Variants in HIP1 observed in about 807,000 individuals in gnomAD.
The protein encoded by HIP1 is huntingtin interacting protein 1, also known as huntingtin-interacting protein 1.
In HIP1, 65 loss-of-function variants were observed where a neutral mutation model predicts 147.6. The observed-to-expected ratio is 0.44, with a 90% CI of 0.36 to 0.54. The LOEUF is 0.54. HIP1 is among the 20% of genes least tolerant of loss of function. The pLI is 0.00. For synonymous variants in HIP1, 479 were observed against 504.0 expected (o/e 0.95, Z 0.67); for missense variants, 1,061 against 1,299.6 (o/e 0.82, Z 2.82).
intron 1 of HIP1, among the ~76,000 whole-genome samples, chr7:75,610,621 T>A (rs1797398986): frequency 6.6e-6 from 1 of 151,908 alleles, no homozygotes; most frequent in Admixed American, 6.6e-5. Context: ...TGCCTTCTCC[T>A]TTCCTGTAGG....
At chr7:75,683,950 C>T (rs1294985078) in intron 1 of HIP1, among the ~76,000 whole-genome samples, 1 of 113,968 alleles carries the variant, frequency 8.8e-6, no homozygotes, top group East Asian at 3.1e-4. Context: ...AGCCAACCAG[C>T]TACATGAATT....
chr7:75,555,285 C>T (rs924053677), intron 19 of HIP1, 131 bp downstream of exon 19: 5 of 932,058 alleles, frequency 5.4e-6, no homozygotes, highest in African/African-American at 5.0e-5. Flanking sequence ...GGGGCCTGGG[C>T]GCCCCTAAGG....
chr7:75,592,145 T>C, intron 3 of HIP1, 33 bp from the exon 4 acceptor site: 2 of 1,596,788 alleles, frequency 1.3e-6, no homozygotes, highest in Non-Finnish European at 8.6e-7. Flanking sequence ...TGTGAGAGAA[T>C]GGAGAAGGAA....
At chr7:75,650,391 G>GC (rs1798932080) in intron 1 of HIP1, among the ~76,000 whole-genome samples, 1 of 151,566 alleles carries the variant, frequency 6.6e-6, no homozygotes, top group African/African-American at 2.4e-5. Context: ...GTACTGGGGA[G>GC]AGGTTTTTCC....
chr7:75,572,149 G>C (rs587614898), intron 8 of HIP1, among the ~76,000 whole-genome samples: 1 of 151,782 alleles, frequency 6.6e-6, no homozygotes, highest in South Asian at 2.1e-4. Context: ...GCTTGAACCT[G>C]GTAGGCAGAG....
At chr7:75,693,459 T>A (rs1291396782) in intron 1 of HIP1, among the ~76,000 whole-genome samples, 1 of 152,178 alleles carries the variant, frequency 6.6e-6, no homozygotes, top group African/African-American at 2.4e-5. Context: ...CTTGCCGAAG[T>A]GTGCCCTCCA....
At chr7:75,544,172 CAAAA>C (rs369891293) in intron 27 of HIP1, among the ~76,000 whole-genome samples, 2 of 96,618 alleles carry the variant, frequency 2.1e-5, no homozygotes, top group African/African-American at 3.8e-5. Flanking sequence ...GCTCTGTCTC[CAAAA>C]AAAAAAAAAA....
chr7:75,710,275 GT>G (rs1239408408), intron 1 of HIP1, among the ~76,000 whole-genome samples: 10 of 152,144 alleles, frequency 6.6e-5, no homozygotes, highest in Non-Finnish European at 1.2e-4. Context: ...GATCATGTGG[GT>G]TTTTTCCTTC....
At chr7:75,691,909 G>A (rs1414600898) in intron 1 of HIP1, among the ~76,000 whole-genome samples, 2 of 152,148 alleles carry the variant, frequency 1.3e-5, no homozygotes, top group Non-Finnish European at 2.9e-5. Context: ...ACTGTGTGAT[G>A]GGCACTATGG....
At chr7:75,565,101 T>C (rs1396399441) in intron 9 of HIP1, among the ~76,000 whole-genome samples, 2 of 152,166 alleles carry the variant, frequency 1.3e-5, no homozygotes, top group African/African-American at 4.8e-5. Flanking sequence ...AACAATGAAC[T>C]TTCTCCAGCT....
chr7:75,621,113 G>A (rs1297859281), intron 1 of HIP1, among the ~76,000 whole-genome samples: 6 of 152,108 alleles, frequency 3.9e-5, no homozygotes, highest in African/African-American at 1.2e-4. Context: ...TGGCAGAGGT[G>A]GGAGGATGGC....
At chr7:75,617,317 G>T (rs981868090) in intron 1 of HIP1, among the ~76,000 whole-genome samples, 1 of 151,960 alleles carries the variant, frequency 6.6e-6, no homozygotes, top group Non-Finnish European at 1.5e-5. Flanking sequence ...GACCTCAGGT[G>T]ATCCTCCTGC....
At position 75,568,483 on chromosome 7, in the gene HIP1, A is replaced by T. The variant is rs1795495879; in HGVS notation, c.746-227T>A. ...TCCTCCAAATCCTTTCACTTCAATT[A>T]GTTCCTGAAGGACAAGCCATGCCGG... On this transcript the variant is annotated intron_variant, in intron 8 of 30. Coordinates refer to ENST00000336926, the MANE Select transcript of HIP1 (RefSeq NM_005338.7). The surrounding 1 kb of genome is among the most constrained non-coding windows in gnomAD (Gnocchi z 4.1). Among the ~76,000 whole-genome samples, 1 of 152,188 alleles carries T rather than the reference A, an allele frequency of 6.6e-6. No individual in the cohort carries two copies. Among genetic ancestry groups the T allele is most frequent in the South Asian group, 2.1e-4 (1 of 4,832 alleles).
Position 75,541,812 on chromosome 7 carries a change from T to C in HIP1, c.2952+107A>G, listed in dbSNP as rs587615844. On this transcript the variant is annotated intron_variant, in intron 29 of 30. Coordinates refer to ENST00000336926, the MANE Select transcript of HIP1 (RefSeq NM_005338.7). ...AGATTTACATTCAGTCTTGGGTTAG[T>C]AGGTGCACCTGTGTTCATTTCCCTC... The C allele has an allele frequency of 4.4e-4, 345 of 787,072 alleles. 4 individuals carry two copies. In the South Asian group the frequency reaches 5.0e-3, roughly 11 times the overall value. 48.8% of individuals were successfully genotyped at this position (787,072 alleles called of 1,614,324 possible).
chr7:75,716,830 G>GCA (rs201699622), intron 1 of HIP1, among the ~76,000 whole-genome samples: 1 of 150,410 alleles, frequency 6.6e-6, no homozygotes, highest in African/African-American at 2.4e-5. Flanking sequence ...TTTTTTAGGG[G>GCA]GGGGGAAAGG....
At chr7:75,543,731 T>A (rs1193563063) in intron 27 of HIP1, among the ~76,000 whole-genome samples, 1 of 152,018 alleles carries the variant, frequency 6.6e-6, no homozygotes, top group East Asian at 1.9e-4. Context: ...CTTATTCGAG[T>A]GTTTCTTGAA....
chr7:75,672,115 G>A (rs1224196209), intron 1 of HIP1, among the ~76,000 whole-genome samples: 1 of 152,170 alleles, frequency 6.6e-6, no homozygotes, highest in Non-Finnish European at 1.5e-5. Context: ...CATTTCCTTA[G>A]TGATTAGTGA....
At chr7:75,543,649 G>A (rs1794420914) in intron 27 of HIP1, among the ~76,000 whole-genome samples, 1 of 152,136 alleles carries the variant, frequency 6.6e-6, no homozygotes, top group Admixed American at 6.6e-5. Flanking sequence ...ATTCAAATTT[G>A]AACACTAATA....
intron 5 of HIP1, among the ~76,000 whole-genome samples, chr7:75,583,675 G>A (rs587692372): frequency 8.7e-5 from 13 of 149,636 alleles, no homozygotes; most frequent in African/African-American, 3.0e-4. Context: ...CTGCAGCCTC[G>A]AATTCCTGGG....
Sources: allele counts gnomAD v4.1 joint callset (sites outside exome capture counted in the v4.1 genomes callset), GRCh38; gene constraint gnomAD v4.1.1; non-coding constraint Gnocchi (gnomAD v3.1); transcripts MANE v1.5; gene names NCBI Gene and HGNC (gene_info 2026-07-23, HGNC 2026-07-21).